The following EPHA5 variants were observed in gnomAD, a reference collection of about 807,000 sequenced individuals.
EPHA5 encodes EPH receptor A5, also known as ephrin type-A receptor 5.
A neutral mutation model predicts 105.0 loss-of-function variants in EPHA5; 60 were observed. The ratio of observed to expected loss-of-function variants is 0.57; its 90% CI spans 0.46 to 0.71. The LOEUF (loss-of-function observed/expected upper bound fraction) is 0.71. EPHA5 is among the 30% of genes least tolerant of loss of function. The pLI, the probability that EPHA5 is intolerant of heterozygous loss-of-function variation, is 0.00. For missense variants in EPHA5, 1,218 were observed against 1,274.7 expected, an observed-to-expected ratio of 0.96 and a Z score of 0.68; for synonymous variants, 513 against 449.1, an observed-to-expected ratio of 1.14 and a Z score of -1.80.
At chr4:65,654,568 T>C (rs185674400) in intron 1 of EPHA5, among the ~76,000 whole-genome samples, 38 of 151,380 alleles carry the variant, frequency 2.5e-4, no homozygotes, top group African/African-American at 8.2e-4. Flanking sequence ...TGAATTTATA[T>C]TACCTGTGAA....
At chr4:65,574,655 C>T (rs867610853) in intron 3 of EPHA5, among the ~76,000 whole-genome samples, 1,278 of 87,568 alleles carry the variant, frequency 0.015, 27 homozygotes, top group East Asian at 0.028. Flanking sequence ...TATATATACA[C>T]ATATATATAT....
Position 65,331,929 on chromosome 4 carries a change from C to T in EPHA5, c.2945+44G>A, listed in dbSNP as rs766411858. ...CCAGATTGGTTTTTGAACAATTTTT[C>T]TTGCCCCAGCAATTATGTAAAAATT... On this transcript the variant is annotated intron_variant, in intron 16 of 16. Coordinates refer to ENST00000613740, the MANE Select transcript of EPHA5 (RefSeq NM_001281766.3). The T allele has an allele frequency of 2.2e-5, 35 of 1,560,580 alleles. 3 individuals are homozygous for T. In the South Asian group the frequency reaches 4.1e-4, roughly 18 times the overall value.
rs1172590070 is a variant in EPHA5, at chr4:65,612,038, AAGG to A, written c.247-9737_247-9735del. Among the ~76,000 whole-genome samples, 592 of 119,650 alleles carry A rather than the reference AAGG, an allele frequency of 4.9e-3. 5 individuals carry two copies. The highest frequency in any genetic ancestry group is 0.015 in the African/African-American group (488 of 33,132). 78.5% of individuals were successfully genotyped at this position (119,650 alleles called of 152,430 possible). On this transcript the variant is annotated intron_variant, in intron 2 of 16. Coordinates refer to ENST00000613740, the MANE Select transcript of EPHA5 (RefSeq NM_001281766.3). ...TCTCAAAAAAAAAAAAAAAAAAAAA[AAGG>A]AAAGAAAAGAAAAGAAAAGAAAAGA... is the stretch of plus-strand genomic sequence containing the variant.
At chr4:65,407,288 G>A (rs1288369102) in intron 7 of EPHA5, among the ~76,000 whole-genome samples, 4 of 151,976 alleles carry the variant, frequency 2.6e-5, no homozygotes, top group Non-Finnish European at 4.4e-5. Context: ...CAGTTTTGGA[G>A]GAAGAGTCCA....
intron 7 of EPHA5, among the ~76,000 whole-genome samples, chr4:65,412,129 G>C (rs1722969586): frequency 6.6e-6 from 1 of 152,152 alleles, no homozygotes; most frequent in African/African-American, 2.4e-5. Context: ...TTGAGAGGCT[G>C]AGTCAGGAGA....
intron 3 of EPHA5, among the ~76,000 whole-genome samples, chr4:65,574,709 C>CATATATATATACATATAT (rs1740687101): frequency 1.5e-5 from 1 of 67,780 alleles, no homozygotes; most frequent in Non-Finnish European, 3.0e-5. Flanking sequence ...CATATATATA[C>CATATATATATACATATAT]ATATATATAT....
intron 5 of EPHA5, among the ~76,000 whole-genome samples, chr4:65,469,444 T>C (rs1406879489): frequency 1.3e-5 from 2 of 152,154 alleles, no homozygotes; most frequent in Non-Finnish European, 2.9e-5. Context: ...TGATGAGTAA[T>C]GCTCTTTATT....
At chr4:65,340,758 A>G (rs772310165) in intron 14 of EPHA5, among the ~76,000 whole-genome samples, 14 of 152,294 alleles carry the variant, frequency 9.2e-5, no homozygotes, top group Middle Eastern at 3.4e-3. Flanking sequence ...TCATGGCAAG[A>G]GAATAGAGCA....
rs76925001 is a variant in EPHA5 at position 65,321,162 on chromosome 4, T to A, written c.*2952A>T. The A allele has an allele frequency of 4.3e-6, 1 of 230,766 alleles. No homozygotes were observed. The allele number at this position is 230,766 out of a possible 1,614,324, so 14.3% of individuals were successfully genotyped here. On this transcript the variant is annotated 3_prime_UTR_variant, in exon 17 of 17. Transcript: ENST00000613740. ...GTACCAATTTTTCAAAGTCCAATAC[T>A]GTGAAAGACTCATGCCCCTTAAGAT...
rs1291383346 is a variant in EPHA5 at position 65,475,113 on chromosome 4, A to G, written c.1402+15264T>C. On this transcript the variant is annotated intron_variant, in intron 5 of 16. Coordinates refer to ENST00000613740, the MANE Select transcript of EPHA5 (RefSeq NM_001281766.3). Reference sequence around the variant, plus strand: ...ACTCAAAGGTAATAGATTTGATGCTATTACTATTGAGTTCAATGCCCAACT... The same window carrying G: ...ACTCAAAGGTAATAGATTTGATGCTGTTACTATTGAGTTCAATGCCCAACT... Among the ~76,000 whole-genome samples, 5 of 152,278 alleles carry G rather than the reference A, an allele frequency of 3.3e-5. No individual in the cohort carries two copies. In the South Asian group the frequency reaches 1.0e-3, roughly 32 times the overall value.
In EPHA5 at chr4:65,365,909, G is replaced by A. The variant is rs371788257; in HGVS notation, c.1987+23C>T. Reference sequence around the variant, plus strand: ...TGGAATGCAAACAAAAGTTAAAAATGAAAGTCAAACACATTGTCGTACCTG... The same window carrying A: ...TGGAATGCAAACAAAAGTTAAAAATAAAAGTCAAACACATTGTCGTACCTG... On this transcript the variant is annotated intron_variant, in intron 10 of 16. Transcript: ENST00000613740. 7 of 1,588,122 alleles carry A rather than the reference G, an allele frequency of 4.4e-6. No homozygotes were observed. In the African/African-American group the frequency reaches 9.4e-5, roughly 21 times the overall value.
At chr4:65,551,205 C>T (rs1214045438) in intron 3 of EPHA5, among the ~76,000 whole-genome samples, 2 of 148,560 alleles carry the variant, frequency 1.3e-5, no homozygotes, top group South Asian at 2.1e-4. Flanking sequence ...TATGTTCATG[C>T]CATGTATGTA....
chr4:65,394,103 T>A (rs950211368), intron 8 of EPHA5, among the ~76,000 whole-genome samples: 2 of 152,194 alleles, frequency 1.3e-5, no homozygotes, highest in Non-Finnish European at 1.5e-5. Flanking sequence ...ATTTGCATGA[T>A]TTTAGAATGA....
chr4:65,491,134 G>GA (rs536048479), intron 4 of EPHA5, among the ~76,000 whole-genome samples: 48 of 149,524 alleles, frequency 3.2e-4, no homozygotes, highest in African/African-American at 1.2e-3. Flanking sequence ...ACAAGCATAG[G>GA]AAAATACAGA....
intron 3 of EPHA5, among the ~76,000 whole-genome samples, chr4:65,576,618 G>A (rs747786065): frequency 2.6e-5 from 4 of 152,188 alleles, no homozygotes; most frequent in African/African-American, 7.2e-5. Flanking sequence ...ATCCAAATAA[G>A]GCAGATTTGT....
chr4:65,662,287 T>C (rs1174835020), intron 1 of EPHA5, among the ~76,000 whole-genome samples: 1 of 152,182 alleles, frequency 6.6e-6, no homozygotes, highest in Non-Finnish European at 1.5e-5. Flanking sequence ...TAGGAACATG[T>C]TCTTGCAAAG....
chr4:65,394,583 A>C (rs951951202), intron 8 of EPHA5, among the ~76,000 whole-genome samples: 2 of 152,222 alleles, frequency 1.3e-5, no homozygotes, highest in African/African-American at 4.8e-5. Flanking sequence ...AGAGAACAAG[A>C]TTGAGCAAAG....
At chr4:65,335,256 T>C (rs901370171) in intron 15 of EPHA5, among the ~76,000 whole-genome samples, 1 of 152,006 alleles carries the variant, frequency 6.6e-6, no homozygotes, top group Non-Finnish European at 1.5e-5. Context: ...TTTGAGAAGA[T>C]AATTCTGTTT....
At chr4:65,523,606 A>G (rs1734964415) in intron 3 of EPHA5, among the ~76,000 whole-genome samples, 1 of 151,992 alleles carries the variant, frequency 6.6e-6, no homozygotes, top group Non-Finnish European at 1.5e-5. Flanking sequence ...TGCAAATCTG[A>G]TGTTCTATGG....
Sources: allele counts gnomAD v4.1 joint callset (sites outside exome capture counted in the v4.1 genomes callset), GRCh38; gene constraint gnomAD v4.1.1; transcripts MANE v1.5; gene names NCBI Gene and HGNC (gene_info 2026-07-23, HGNC 2026-07-21).